The following MRPS27 variants were observed in gnomAD, a reference collection of about 807,000 sequenced individuals.
MRPS27 encodes the protein small ribosomal subunit protein mS27.
In MRPS27, 43 loss-of-function variants were observed where a neutral mutation model predicts 48.9. That is an observed-to-expected ratio of 0.88 (90% CI 0.69 to 1.13). The LOEUF (loss-of-function observed/expected upper bound fraction) is 1.13. Ranked by LOEUF, MRPS27 falls within the 50% of genes most tolerant of loss-of-function variation. The pLI, the probability that MRPS27 is intolerant of heterozygous loss-of-function variation, is 0.00. For missense variants in MRPS27, 467 were observed against 476.3 expected, an observed-to-expected ratio of 0.98 and a Z score of 0.18; for synonymous variants, 188 against 171.9, an observed-to-expected ratio of 1.09 and a Z score of -0.73.
Position 72,228,324 on chromosome 5 carries a change from G to A in MRPS27, c.636C>T (p.Gly212=), listed in dbSNP as rs766400956. 1.2e-6 allele frequency: 2 copies of A among 1,613,530 alleles called. No individual in the cohort carries two copies. The highest frequency in any genetic ancestry group is 3.3e-5 in the Admixed American group (2 of 59,958). The part of the protein sequence containing the change: ...RNFGASLLLP[G]LKQKNSVGFS... ...AACCCACTGAGTTCTTTTGTTTTAGGCCTGGAAGCAAAAGGGATGCACCAA... is the reference window on the plus strand; with the variant it reads ...AACCCACTGAGTTCTTTTGTTTTAGACCTGGAAGCAAAAGGGATGCACCAA... The change falls in exon 8 of 11, where the codon GGC becomes GGT. Residue 212 remains glycine (G), a synonymous_variant. Coordinates refer to ENST00000261413, the MANE Select transcript of MRPS27 (RefSeq NM_015084.3).
At chr5:72,296,206 A>G (rs1266064335) in intron 3 of MRPS27, among the ~76,000 whole-genome samples, 1 of 152,174 alleles carries the variant, frequency 6.6e-6, no homozygotes, top group Admixed American at 6.5e-5. Context: ...CACAGATTCT[A>G]TTCTAAAATA....
intron 4 of MRPS27, among the ~76,000 whole-genome samples, chr5:72,255,544 G>C (rs1748778480): frequency 6.6e-6 from 1 of 152,102 alleles, no homozygotes; most frequent in African/African-American, 2.4e-5. Flanking sequence ...AGTCCAAGCT[G>C]ACAACATATA....
chr5:72,284,768 C>A (rs1002208763), intron 4 of MRPS27, among the ~76,000 whole-genome samples: 1 of 152,134 alleles, frequency 6.6e-6, no homozygotes, highest in African/African-American at 2.4e-5. Context: ...CACACTAAGT[C>A]CTACTCTTGT....
intron 1 of MRPS27, 189 bp downstream of exon 1, chr5:72,319,960 G>A: frequency 3.1e-6 from 2 of 636,552 alleles, no homozygotes; most frequent in South Asian, 3.9e-5. Context: ...CTTTGGACAG[G>A]AACATACTGT....
intron 4 of MRPS27, among the ~76,000 whole-genome samples, chr5:72,273,610 T>C (rs573291351): frequency 6.6e-6 from 1 of 152,226 alleles, no homozygotes; most frequent in Admixed American, 6.5e-5. Flanking sequence ...AATGGTTAAG[T>C]ATTTGTGTCT....
intron 4 of MRPS27, among the ~76,000 whole-genome samples, chr5:72,273,249 G>A (rs1749292001): frequency 6.6e-6 from 1 of 152,068 alleles, no homozygotes; most frequent in African/African-American, 2.4e-5. Flanking sequence ...CACTCAAGCT[G>A]GGCCACTGGT....
intron 2 of MRPS27, among the ~76,000 whole-genome samples, chr5:72,306,592 ACAACT>A (rs1750275825): frequency 6.6e-6 from 1 of 152,256 alleles, no homozygotes; most frequent in African/African-American, 2.4e-5. Flanking sequence ...GATAGTTGAG[ACAACT>A]CAACACATTG....
At chr5:72,307,140 T>A (rs1041923398) in intron 2 of MRPS27, among the ~76,000 whole-genome samples, 4 of 151,682 alleles carry the variant, frequency 2.6e-5, no homozygotes, top group Admixed American at 2.0e-4. Context: ...GATCACGAGG[T>A]CACGAGTTCG....
At chr5:72,296,163 TC>T (rs1424521983) in intron 3 of MRPS27, among the ~76,000 whole-genome samples, 1 of 151,596 alleles carries the variant, frequency 6.6e-6, no homozygotes, top group Non-Finnish European at 1.5e-5. Flanking sequence ...TTAACTATGG[TC>T]CAAATAAACA....
chr5:72,267,233 T>C lies in MRPS27; in HGVS notation c.281+28298A>G, dbSNP rs1310390932. Among the ~76,000 whole-genome samples the C allele has an allele frequency of 3.3e-5, 5 of 152,244 alleles. No homozygotes were observed. The East Asian group carries it at 9.6e-4, about 29-fold the overall frequency. Reference sequence around the variant, plus strand: ...TGCTTACTGCTAACCACATGACTTCTCTGGACTGATATTCTAAGTTCAACC... The same window carrying C: ...TGCTTACTGCTAACCACATGACTTCCCTGGACTGATATTCTAAGTTCAACC... On this transcript the variant is annotated intron_variant, in intron 4 of 10. Coordinates refer to ENST00000261413, the MANE Select transcript of MRPS27 (RefSeq NM_015084.3).
chr5:72,288,329 T>A (rs1239080183), intron 4 of MRPS27, among the ~76,000 whole-genome samples: 1 of 151,984 alleles, frequency 6.6e-6, no homozygotes, highest in Non-Finnish European at 1.5e-5. Flanking sequence ...CGCCTTAGCC[T>A]CCCATGTAGC....
intron 4 of MRPS27, chr5:72,241,685 C>G (rs1203419677): frequency 2.0e-6 from 3 of 1,535,506 alleles, no homozygotes; most frequent in Non-Finnish European, 2.6e-6. Context: ...AGCATTCTCC[C>G]TTTCTGTCAG....
chr5:72,288,432 C>T (rs1323185752), intron 4 of MRPS27, among the ~76,000 whole-genome samples: 3 of 152,148 alleles, frequency 2.0e-5, no homozygotes, highest in Non-Finnish European at 4.4e-5. Flanking sequence ...AGGATGGTCT[C>T]GATCTCCTGA....
At chr5:72,278,134 A>G (rs1459718629) in intron 4 of MRPS27, among the ~76,000 whole-genome samples, 6 of 151,980 alleles carry the variant, frequency 3.9e-5, no homozygotes, top group African/African-American at 1.2e-4. Context: ...ATACTCAACC[A>G]CCTATCTTCA....
intron 4 of MRPS27, among the ~76,000 whole-genome samples, chr5:72,278,675 T>C (rs1325478923): frequency 6.6e-6 from 1 of 152,180 alleles, no homozygotes; most frequent in Non-Finnish European, 1.5e-5. Context: ...AGTGATGATA[T>C]TGCTTTGCAT....
intron 4 of MRPS27, among the ~76,000 whole-genome samples, chr5:72,241,116 C>A (rs1161199236): frequency 6.6e-6 from 1 of 152,200 alleles, no homozygotes; most frequent in Non-Finnish European, 1.5e-5. Context: ...CAGCTCACTG[C>A]AGCCTTGAAC....
chr5:72,267,583 T>C (rs1485780536), intron 4 of MRPS27, among the ~76,000 whole-genome samples: 1 of 152,244 alleles, frequency 6.6e-6, no homozygotes, highest in Non-Finnish European at 1.5e-5. Context: ...CCATCATTCA[T>C]TCAACAAATA....
intron 4 of MRPS27, among the ~76,000 whole-genome samples, chr5:72,242,665 TACACACACACACACAC>T (rs57589095): frequency 6.0e-5 from 8 of 134,200 alleles, no homozygotes; most frequent in African/African-American, 1.2e-4. Flanking sequence ...AGACCCCGTC[TACACACACACACACAC>T]ACACACACAC....
intron 2 of MRPS27, among the ~76,000 whole-genome samples, chr5:72,312,783 G>A (rs1239305661): frequency 1.3e-5 from 2 of 151,790 alleles, no homozygotes; most frequent in Admixed American, 1.3e-4. Context: ...ACTGCGCCCG[G>A]CTAATTTTTG....
Sources: gnomAD v4.1 joint callset for allele counts (sites outside exome capture counted in the v4.1 genomes callset) on GRCh38, gnomAD v4.1.1 for gene constraint, MANE v1.5 for transcripts, NCBI Gene and HGNC (gene_info 2026-07-23, HGNC 2026-07-21) for gene names.